Variants in DAB2IP observed in about 807,000 individuals in gnomAD.
DAB2IP encodes DAB2 interacting protein, also known as disabled homolog 2-interacting protein.
DAB2IP carries 28 observed loss-of-function variants against 107.2 expected under a neutral mutation model. The observed-to-expected ratio is 0.26, with a 90% CI of 0.19 to 0.36. The LOEUF is 0.36. DAB2IP is among the 10% of genes least tolerant of loss of function. The pLI, the probability that DAB2IP is intolerant of heterozygous loss-of-function variation, is 1.00. For missense variants in DAB2IP, 1,400 were observed against 1,644.7 expected (o/e 0.85, Z 2.57); for synonymous variants, 755 against 706.4 (o/e 1.07, Z -1.09).
At chr9:121,666,461 G>A (rs1167983433) in intron 1 of DAB2IP, among the ~76,000 whole-genome samples, 2 of 152,198 alleles carry the variant, frequency 1.3e-5, no homozygotes, top group South Asian at 2.1e-4. Flanking sequence ...CCAGAGAGGC[G>A]TGCCTAAAGG....
intron 1 of DAB2IP, among the ~76,000 whole-genome samples, chr9:121,657,966 C>A (rs547351803): frequency 6.6e-6 from 1 of 152,274 alleles, no homozygotes; most frequent in East Asian, 1.9e-4. Context: ...AAGATGTTAA[C>A]GAGAAATCCG....
At position 121,578,722 on chromosome 9, in the gene DAB2IP, CTTTTTTTTTTTTTTTTTTTTTT is replaced by C. The variant is rs749525264; in HGVS notation, c.40+11509_40+11530del. Among the ~76,000 whole-genome samples the C allele has an allele frequency of 1.6e-3, 76 of 47,432 alleles. 1 individual carries two copies. Among genetic ancestry groups the C allele is most frequent in the Admixed American group, 4.8e-3 (13 of 2,710 alleles). The allele number at this position is 47,432 out of a possible 152,430, so 31.1% of individuals were successfully genotyped here. A position where few individuals can be genotyped will look rare whatever the true frequency, so the allele number is the denominator to read the frequency against. Reference sequence around the variant, plus strand: ...CTGCCTCATCCTCTCCGGCCTATGTCTTTTTTTTTTTTTTTTTTTTTTTTTTTTTTTTTTTTGAGACGAAGTC... The same window carrying C: ...CTGCCTCATCCTCTCCGGCCTATGTCTTTTTTTTTTTTTTGAGACGAAGTC... On this transcript the variant is annotated intron_variant, in intron 1 of 16. Transcript: ENST00000259371.
At chr9:121,582,054 G>T (rs896416666) in intron 1 of DAB2IP, among the ~76,000 whole-genome samples, 8 of 152,208 alleles carry the variant, frequency 5.3e-5, no homozygotes, top group African/African-American at 1.9e-4. Context: ...GCCGTGGGGG[G>T]AAGTGAGGAC....
intron 1 of DAB2IP, among the ~76,000 whole-genome samples, chr9:121,612,868 A>C (rs1226976659): frequency 2.0e-5 from 3 of 152,240 alleles, no homozygotes. Flanking sequence ...TTGCAAAATC[A>C]CTTTTCCCGA....
intron 1 of DAB2IP, among the ~76,000 whole-genome samples, chr9:121,607,128 G>A (rs1830909705): frequency 6.6e-6 from 1 of 152,128 alleles, no homozygotes; most frequent in African/African-American, 2.4e-5. Flanking sequence ...CAGGTGACCA[G>A]GTCAGAGATC....
intron 1 of DAB2IP, among the ~76,000 whole-genome samples, chr9:121,595,471 C>T (rs1038670328): frequency 2.6e-5 from 4 of 151,938 alleles, no homozygotes; most frequent in Admixed American, 2.0e-4. Context: ...GCCATGGTGG[C>T]GTGTGCCTGT....
intron 3 of DAB2IP, among the ~76,000 whole-genome samples, chr9:121,712,662 A>T (rs1439912671): frequency 6.6e-6 from 1 of 152,152 alleles, no homozygotes; most frequent in Non-Finnish European, 1.5e-5. Context: ...TGTGGTTGAC[A>T]TTGGGGAAAG....
At chr9:121,770,256 G>A (rs1029845307) in intron 10 of DAB2IP, among the ~76,000 whole-genome samples, 8 of 152,222 alleles carry the variant, frequency 5.3e-5, no homozygotes, top group African/African-American at 1.7e-4. Flanking sequence ...TCCTCTCTGC[G>A]GAGGCACCAG....
At chr9:121,674,888 T>C (rs1280828086) in intron 1 of DAB2IP, among the ~76,000 whole-genome samples, 2 of 151,630 alleles carry the variant, frequency 1.3e-5, no homozygotes, top group Admixed American at 1.3e-4. Context: ...TGTGTGTGTG[T>C]GTGTGTGGTG....
intron 3 of DAB2IP, among the ~76,000 whole-genome samples, chr9:121,724,860 G>A (rs920312012): frequency 7.2e-5 from 11 of 152,126 alleles, no homozygotes; most frequent in Non-Finnish European, 1.6e-4. Context: ...GAATGGGAGG[G>A]GGCCCAAAAA....
intron 10 of DAB2IP, among the ~76,000 whole-genome samples, chr9:121,769,861 C>G (rs926191883): frequency 6.6e-6 from 1 of 152,334 alleles, no homozygotes; most frequent in East Asian, 1.9e-4. Context: ...TAGGGTGCAA[C>G]AGGGATTTGA....
At chr9:121,593,876 C>T (rs1016062271) in intron 1 of DAB2IP, among the ~76,000 whole-genome samples, 1 of 151,852 alleles carries the variant, frequency 6.6e-6, no homozygotes, top group Non-Finnish European at 1.5e-5. Flanking sequence ...CTATTTTGAC[C>T]AGGCTGGTCT....
At chr9:121,755,964 G>A (rs77348292) in intron 3 of DAB2IP, among the ~76,000 whole-genome samples, 3,813 of 152,232 alleles carry the variant, frequency 0.025, 169 homozygotes, top group African/African-American at 0.087. Flanking sequence ...GGCATAGGGC[G>A]TTGGGGGTAG....
At position 121,736,064 on chromosome 9, in the gene DAB2IP, C is replaced by A. The variant is rs1452399654; in HGVS notation, c.363-20949C>A. 6.6e-6 allele frequency among the ~76,000 whole-genome samples: 1 copy of A among 152,238 alleles called. No individual in the cohort carries two copies. Among genetic ancestry groups the A allele is most frequent in the African/African-American group, 2.4e-5 (1 of 41,472 alleles). On this transcript the variant is annotated intron_variant, in intron 3 of 15. Coordinates refer to ENST00000408936, the Ensembl canonical transcript of DAB2IP. The surrounding 1 kb of genome is among the most constrained non-coding windows in gnomAD (Gnocchi z 4.6). ...GGACTGCTGCCTGGGAACCCAGTGCCCTTCTCAGCTTAGGCTGTCTAGACC... is the reference window on the plus strand; with the variant it reads ...GGACTGCTGCCTGGGAACCCAGTGCACTTCTCAGCTTAGGCTGTCTAGACC...
chr9:121,682,206 C>A (rs753421763), intron 2 of DAB2IP, among the ~76,000 whole-genome samples: 4 of 152,182 alleles, frequency 2.6e-5, no homozygotes, highest in Non-Finnish European at 4.4e-5. Context: ...TATGTCCTCA[C>A]GTGCTCAGCT....
rs1831892626 is a variant in DAB2IP, at chr9:121,736,191, TGTG to T, written c.363-20820_363-20818del. Among the ~76,000 whole-genome samples the T allele has an allele frequency of 1.3e-5, 2 of 152,086 alleles. No homozygotes were observed. The highest frequency in any genetic ancestry group is 2.9e-5 in the Non-Finnish European group (2 of 68,012). On this transcript the variant is annotated intron_variant, in intron 3 of 15. Coordinates refer to ENST00000408936, the Ensembl canonical transcript of DAB2IP. This position sits in a 1 kb window ranked among gnomAD's most constrained non-coding sequence, Gnocchi z 4.6. ...ACTTGTTAAAATGTTGGAATGGAAA[TGTG>T]GGGAAGGGAGAGCGTTTGCCTTGGT...
intron 3 of DAB2IP, among the ~76,000 whole-genome samples, chr9:121,728,672 C>G (rs928213194): frequency 6.6e-6 from 1 of 152,186 alleles, no homozygotes; most frequent in Non-Finnish European, 1.5e-5. Context: ...GGTGGGGAGG[C>G]CTGCAGCTGG....
At chr9:121,750,738 C>A (rs1481427405) in intron 3 of DAB2IP, among the ~76,000 whole-genome samples, 1 of 152,200 alleles carries the variant, frequency 6.6e-6, no homozygotes, top group African/African-American at 2.4e-5. Context: ...GGTTTGGGGT[C>A]CTTTCCCTCC....
At chr9:121,659,054 T>G (rs1247845676) in intron 1 of DAB2IP, among the ~76,000 whole-genome samples, 1 of 152,120 alleles carries the variant, frequency 6.6e-6, no homozygotes, top group African/African-American at 2.4e-5. Context: ...GACATAGTTG[T>G]GAAATGAAAA....
Sources: gnomAD v4.1 joint callset for allele counts (sites outside exome capture counted in the v4.1 genomes callset) on GRCh38, gnomAD v4.1.1 for gene constraint, Gnocchi (gnomAD v3.1) non-coding constraint, MANE v1.5 for transcripts, NCBI Gene and HGNC (gene_info 2026-07-23, HGNC 2026-07-21) for gene names.